AKAP7: variants seen among roughly 807,000 people sequenced by gnomAD.
AKAP7 encodes A-kinase anchoring protein 7, also known as A kinase (PRKA) anchor protein 7.
A neutral mutation model predicts 39.5 loss-of-function variants in AKAP7; 39 were observed. The ratio of observed to expected loss-of-function variants is 0.99; its 90% CI spans 0.76 to 1.29. The LOEUF is 1.29. Ranked by LOEUF, AKAP7 falls within the 50% of genes most tolerant of loss-of-function variation. AKAP7 has a pLI of 0.00. For missense variants in AKAP7, 414 were observed against 407.7 expected, an observed-to-expected ratio of 1.02 and a Z score of -0.13; for synonymous variants, 140 against 139.1, an observed-to-expected ratio of 1.01 and a Z score of -0.05.
At chr6:131,191,211 A>G (rs1024646276) in intron 5 of AKAP7, among the ~76,000 whole-genome samples, 12 of 152,190 alleles carry the variant, frequency 7.9e-5, no homozygotes, top group African/African-American at 2.9e-4. Context: ...AGACATCGCT[A>G]ATATTTGACT....
chr6:131,276,717 G>T (rs528873367), intron 7 of AKAP7, among the ~76,000 whole-genome samples: 31 of 152,230 alleles, frequency 2.0e-4, no homozygotes, highest in African/African-American at 7.5e-4. Context: ...TTCATGTTTA[G>T]TGTTTGAATG....
intron 7 of AKAP7, among the ~76,000 whole-genome samples, chr6:131,274,732 T>G (rs1027184204): frequency 4.6e-5 from 7 of 152,082 alleles, no homozygotes; most frequent in African/African-American, 1.7e-4. Context: ...CCCTAAGCCA[T>G]CCTCACCTCA....
intron 2 of AKAP7, among the ~76,000 whole-genome samples, chr6:131,148,326 T>C (rs1415044258): frequency 6.6e-6 from 1 of 152,200 alleles, no homozygotes; most frequent in Non-Finnish European, 1.5e-5. Flanking sequence ...TATATGACTT[T>C]TGTGGGAAGA....
upstream of AKAP7, among the ~76,000 whole-genome samples, chr6:131,131,859 G>A (rs1277571154): frequency 1.3e-5 from 2 of 152,142 alleles, no homozygotes; most frequent in Non-Finnish European, 2.9e-5. Flanking sequence ...TCAATGTACT[G>A]ATGTGGGAAA....
At chr6:131,209,907 TG>T (rs1388798702) in intron 6 of AKAP7, among the ~76,000 whole-genome samples, 1 of 152,070 alleles carries the variant, frequency 6.6e-6, no homozygotes, top group Non-Finnish European at 1.5e-5. Context: ...TCCAAAATGG[TG>T]TTGATGCAGA....
intron 5 of AKAP7, among the ~76,000 whole-genome samples, chr6:131,177,322 T>A (rs1179099012): frequency 6.6e-6 from 1 of 152,152 alleles, no homozygotes; most frequent in East Asian, 1.9e-4. Context: ...AGCATAGCAC[T>A]GCACTGGCTG....
At chr6:131,245,663 C>T (rs1402055568) in intron 7 of AKAP7, among the ~76,000 whole-genome samples, 1 of 152,090 alleles carries the variant, frequency 6.6e-6, no homozygotes, top group Non-Finnish European at 1.5e-5. Context: ...ACTTAACATA[C>T]ATTTTCACTG....
chr6:131,220,317 C>T (rs1409311048), intron 7 of AKAP7, among the ~76,000 whole-genome samples: 1 of 152,158 alleles, frequency 6.6e-6, no homozygotes, highest in African/African-American at 2.4e-5. Flanking sequence ...ATAAATGCAT[C>T]TGTCAGATGG....
intron 7 of AKAP7, among the ~76,000 whole-genome samples, chr6:131,236,695 G>T (rs1811093189): frequency 6.6e-6 from 1 of 152,096 alleles, no homozygotes; most frequent in South Asian, 2.1e-4. Flanking sequence ...CTCATGATTT[G>T]GCTCTCTGTT....
At position 131,282,630 on chromosome 6, in the gene AKAP7, T is replaced by C. The variant is rs921479132; in HGVS notation, c.*904T>C. The C allele has an allele frequency of 4.7e-5, 71 of 1,506,986 alleles. No homozygotes were observed. In the African/African-American group the frequency reaches 8.3e-4, roughly 18 times the overall value. 93.4% of individuals were successfully genotyped at this position (1,506,986 alleles called of 1,614,324 possible). A position where few individuals can be genotyped will look rare whatever the true frequency, so the allele number is the denominator to read the frequency against. On this transcript the variant is annotated 3_prime_UTR_variant, in exon 8 of 8. Coordinates refer to ENST00000431975, the MANE Select transcript of AKAP7 (RefSeq NM_016377.4). The stretch of plus-strand genomic sequence containing the variant: ...GCTCTACATTGCGATTGTGACAACA[T>C]AGCTTATGAAATCTTTTCAGCTTAT...
intron 7 of AKAP7, among the ~76,000 whole-genome samples, chr6:131,272,983 A>G (rs1814418135): frequency 6.6e-6 from 1 of 152,084 alleles, no homozygotes; most frequent in Non-Finnish European, 1.5e-5. Flanking sequence ...TTTTAGTTCT[A>G]TCAGTTTTTG....
chr6:131,250,251 A>G, intron 7 of AKAP7: 5 of 1,112,894 alleles, frequency 4.5e-6, no homozygotes, highest in Non-Finnish European at 5.5e-6. Flanking sequence ...GACAGAACAC[A>G]TGGCACTGAC....
chr6:131,161,684 A>AAAAAAAAAAAAAAAAAAAAAAC (rs1802978701), intron 3 of AKAP7, among the ~76,000 whole-genome samples: 1 of 132,044 alleles, frequency 7.6e-6, no homozygotes, highest in Non-Finnish European at 1.6e-5. Flanking sequence ...AAAAAAAAAA[A>AAAAAAAAAAAAAAAAAAAAAAC]TTAAAGGTCC....
chr6:131,223,373 A>C (rs757147819), intron 7 of AKAP7, among the ~76,000 whole-genome samples: 4 of 152,230 alleles, frequency 2.6e-5, no homozygotes, highest in Admixed American at 6.5e-5. Flanking sequence ...AAGCATTTAA[A>C]AATGTTCAAG....
chr6:131,217,089 A>G (rs1406316174), intron 6 of AKAP7, among the ~76,000 whole-genome samples: 1 of 152,202 alleles, frequency 6.6e-6, no homozygotes, highest in Non-Finnish European at 1.5e-5. Flanking sequence ...GGTCTGGCCT[A>G]TGATGAAGGG....
intron 3 of AKAP7, 103 bp downstream of exon 3, chr6:131,160,301 T>G: frequency 8.2e-7 from 1 of 1,213,762 alleles, no homozygotes; most frequent in South Asian, 1.4e-5. Flanking sequence ...TAAGAGTATT[T>G]GGTGGCATTT....
chr6:131,224,616 A>G (rs1421157592), intron 7 of AKAP7, among the ~76,000 whole-genome samples: 1 of 151,740 alleles, frequency 6.6e-6, no homozygotes, highest in Non-Finnish European at 1.5e-5. Flanking sequence ...GGAGAGTGCT[A>G]GATTACAAGT....
intron 2 of AKAP7, among the ~76,000 whole-genome samples, chr6:131,146,092 A>G (rs1801463828): frequency 6.6e-6 from 1 of 152,144 alleles, no homozygotes; most frequent in Non-Finnish European, 1.5e-5. Flanking sequence ...GCTGTTTGGT[A>G]TCCTCTAAGC....
Position 131,145,435 on chromosome 6 carries a change from A to G in AKAP7, c.151+19A>G. 7.1e-7 allele frequency: 1 copy of G among 1,405,820 alleles called. No individual in the cohort carries two copies. Among genetic ancestry groups the G allele is most frequent in the Non-Finnish European group, 9.4e-7 (1 of 1,066,172 alleles). 87.1% of individuals were successfully genotyped at this position (1,405,820 alleles called of 1,614,324 possible). Reference sequence around the variant, plus strand: ...TGTGGAAGTAAGTACTTTATTAAGTAAACGCGTATTTAGAAGCAATGAGTA... The same window carrying G: ...TGTGGAAGTAAGTACTTTATTAAGTGAACGCGTATTTAGAAGCAATGAGTA... On this transcript the variant is annotated intron_variant, in intron 2 of 7. Transcript: ENST00000431975.
Sources: allele counts gnomAD v4.1 joint callset (sites outside exome capture counted in the v4.1 genomes callset), GRCh38; gene constraint gnomAD v4.1.1; transcripts MANE v1.5; gene names NCBI Gene and HGNC (gene_info 2026-07-23, HGNC 2026-07-21).